The following MLANA variants were observed in gnomAD, a reference collection of about 807,000 sequenced individuals.
The protein encoded by MLANA is melan-A.
MLANA carries 21 observed loss-of-function variants against 15.7 expected under a neutral mutation model. The ratio of observed to expected loss-of-function variants is 1.33; its 90% CI spans 0.95 to 1.92. The LOEUF (loss-of-function observed/expected upper bound fraction) is 1.92, where lower values mean the gene tolerates loss of function less well. MLANA is among the 40% of genes most tolerant of loss of function. The probability of loss-of-function intolerance (pLI) is 0.00; values close to 1 mark genes in which losing one functional copy is unlikely to be tolerated. For synonymous variants in MLANA, 56 were observed against 51.5 expected, an observed-to-expected ratio of 1.09 and a Z score of -0.37; for missense variants, 164 against 143.8, an observed-to-expected ratio of 1.14 and a Z score of -0.72.
Position 5,897,538 on chromosome 9 carries a change from T to A in MLANA, c.78-19T>A. 6.2e-7 allele frequency: 1 copy of A among 1,606,034 alleles called. No homozygotes were observed. Among genetic ancestry groups the A allele is most frequent in the Non-Finnish European group, 8.5e-7 (1 of 1,172,612 alleles). On this transcript the variant is annotated intron_variant, in intron 2 of 4. Transcript: ENST00000381477. ...CAATGTTTCAATGACAAAGTGGATTTGTCTATCTCTTGGGCCAGGGCCGCT... is the reference window on the plus strand; with the variant it reads ...CAATGTTTCAATGACAAAGTGGATTAGTCTATCTCTTGGGCCAGGGCCGCT...
At chr9:5,899,715 C>T (rs1233525177) in intron 3 of MLANA, among the ~76,000 whole-genome samples, 1 of 152,192 alleles carries the variant, frequency 6.6e-6, no homozygotes, top group Non-Finnish European at 1.5e-5. Context: ...TGGCTATTTA[C>T]TTTTTGCCTC....
intron 4 of MLANA, among the ~76,000 whole-genome samples, chr9:5,907,878 G>A (rs1018849509): frequency 1.3e-5 from 2 of 152,276 alleles, no homozygotes; most frequent in Admixed American, 6.5e-5. Context: ...ACTTGAACCC[G>A]GGAGGTGGAG....
At chr9:5,906,816 CCTTCT>C in intron 3 of MLANA, 64 bp from the exon 4 acceptor site, 1 of 1,040,242 alleles carries the variant, frequency 9.6e-7, no homozygotes, top group Non-Finnish European at 1.4e-6. Context: ...ACTTTGGCTT[CCTTCT>C]CTTTTCTTTA....
chr9:5,902,158 A>C (rs974536744), intron 3 of MLANA, among the ~76,000 whole-genome samples: 3 of 152,172 alleles, frequency 2.0e-5, no homozygotes. Context: ...TGTTTTGGAA[A>C]GTTATTATTG....
At chr9:5,899,624 G>A (rs565618056) in intron 3 of MLANA, among the ~76,000 whole-genome samples, 1 of 152,290 alleles carries the variant, frequency 6.6e-6, no homozygotes, top group South Asian at 2.1e-4. Flanking sequence ...GTCCACAACA[G>A]GTTAGTAGGG....
At position 5,897,605 on chromosome 9, in the gene MLANA, C is replaced by T. The variant is rs1200798890; in HGVS notation, c.126C>T (p.Leu42=). ...ILTVILGVLL[L]IGCWYCRRRN... ...CAGTGATCCTGGGAGTCTTACTGCT[C>T]ATCGGCTGTTGGTATTGTAGAAGAC... Residue 42 remains leucine, a synonymous_variant, in exon 3 of 5, where the codon CTC becomes CTT. Transcript: ENST00000381477. 4 of 1,614,156 alleles carry T rather than the reference C, an allele frequency of 2.5e-6. No homozygotes were observed. Among genetic ancestry groups the T allele is most frequent in the Admixed American group, 3.3e-5 (2 of 60,030 alleles).
intron 3 of MLANA, among the ~76,000 whole-genome samples, chr9:5,902,668 CTT>C (rs199637584): frequency 5.7e-5 from 8 of 141,012 alleles, no homozygotes; most frequent in East Asian, 2.1e-4. Flanking sequence ...GATTAATTTT[CTT>C]TTTTTTTTTT....
At chr9:5,902,659 A>T (rs941996616) in intron 3 of MLANA, among the ~76,000 whole-genome samples, 2 of 149,828 alleles carry the variant, frequency 1.3e-5, no homozygotes, top group Non-Finnish European at 3.0e-5. Context: ...TCCAGGTCTG[A>T]TTAATTTTCT....
At position 5,894,626 on chromosome 9, in the gene MLANA, T is replaced by C. The variant is rs1305486508; in HGVS notation, c.77+2075T>C. ...GCCAGTGCTCTGCTGGGGAGGGGCA[T>C]AATGAAGCTGGCTCTGACAATGCCG... On this transcript the variant is annotated intron_variant, in intron 2 of 4. Coordinates refer to ENST00000381477, the MANE Select transcript of MLANA (RefSeq NM_005511.2). This position sits in a 1 kb window ranked among gnomAD's most constrained non-coding sequence, Gnocchi z 4.0. 6.6e-6 allele frequency among the ~76,000 whole-genome samples: 1 copy of C among 152,152 alleles called. No homozygotes were observed. Among genetic ancestry groups the C allele is most frequent in the Non-Finnish European group, 1.5e-5 (1 of 68,032 alleles).
In MLANA at chr9:5,894,462, C is replaced by G. The variant is rs369631024; in HGVS notation, c.77+1911C>G. 3.9e-5 allele frequency among the ~76,000 whole-genome samples: 6 copies of G among 152,266 alleles called. No individual in the cohort carries two copies. The East Asian group carries it at 1.2e-3, about 29-fold the overall frequency. Reference sequence around the variant, plus strand: ...GTAACAAACGGAAGGGTGAGGCCATCAGGACCTAGAGTTGGGAGGAGGGAC... The same window carrying G: ...GTAACAAACGGAAGGGTGAGGCCATGAGGACCTAGAGTTGGGAGGAGGGAC... On this transcript the variant is annotated intron_variant, in intron 2 of 4. Transcript: ENST00000381477. The surrounding 1 kb of genome is among the most constrained non-coding windows in gnomAD (Gnocchi z 4.0).
intron 3 of MLANA, 92 bp from the exon 4 acceptor site, chr9:5,906,793 A>G (rs1832844158): frequency 1.3e-6 from 1 of 748,748 alleles, no homozygotes; most frequent in Admixed American, 2.9e-5. Context: ...CTAGATTAAA[A>G]CTCATTCTTA....
At chr9:5,896,537 C>G (rs1832034117) in intron 2 of MLANA, among the ~76,000 whole-genome samples, 1 of 152,148 alleles carries the variant, frequency 6.6e-6, no homozygotes, top group Non-Finnish European at 1.5e-5. Flanking sequence ...CCAGCAGAAG[C>G]CTTAGTTAAA....
Position 5,909,510 on chromosome 9 carries a change from A to G in MLANA, c.*802A>G. 1 of 152,410 alleles carries G rather than the reference A, an allele frequency of 6.6e-6. No homozygotes were observed. Among genetic ancestry groups the G allele is most frequent in the Non-Finnish European group, 1.5e-5 (1 of 68,108 alleles). The allele number at this position is 152,410 out of a possible 1,614,324, so 9.4% of individuals were successfully genotyped here. A position where few individuals can be genotyped will look rare whatever the true frequency, so the allele number is the denominator to read the frequency against. Reference sequence around the variant, plus strand: ...TGACCTCAGGTGATCTGCCCGCCTCAGCCTCCCAAAGTGCTGGAATTACAG... The same window carrying G: ...TGACCTCAGGTGATCTGCCCGCCTCGGCCTCCCAAAGTGCTGGAATTACAG... On this transcript the variant is annotated 3_prime_UTR_variant, in exon 5 of 5. Transcript: ENST00000381477.
Position 5,892,519 on chromosome 9 carries a change from G to C in MLANA, c.45G>C (p.Lys15Asn). The change falls in exon 2 of 5, where the codon AAG (lysine) becomes AAC (asparagine). Residue 15 changes from lysine to asparagine, a missense_variant. Transcript: ENST00000381477. ...DAHFIYGYPK[K>N]GHGHSYTTAE... ...ACTTCATCTATGGTTACCCCAAGAA[G>C]GGGCACGGCCACTCTTACACCACGG... The C allele has an allele frequency of 6.2e-7, 1 of 1,613,784 alleles. No individual in the cohort carries two copies. Among genetic ancestry groups the C allele is most frequent in the Middle Eastern group, 1.7e-4 (1 of 6,040 alleles).
intron 4 of MLANA, among the ~76,000 whole-genome samples, chr9:5,907,625 G>A (rs1356715485): frequency 1.3e-5 from 2 of 152,126 alleles, no homozygotes; most frequent in South Asian, 2.1e-4. Flanking sequence ...AATTTTACAT[G>A]TTTCTTCTTT....
intron 3 of MLANA, chr9:5,899,208 A>T (rs1320617559): frequency 3.9e-5 from 6 of 152,220 alleles, no homozygotes; most frequent in Non-Finnish European, 7.3e-5. Flanking sequence ...AAGATGTTGG[A>T]AAGTCCCATT....
In MLANA at chr9:5,892,542, C is replaced by G. The variant is rs760218624; in HGVS notation, c.68C>G (p.Thr23Arg). 1.9e-6 allele frequency: 3 copies of G among 1,612,764 alleles called. No individual in the cohort carries two copies. Among genetic ancestry groups the G allele is most frequent in the Non-Finnish European group, 2.5e-6 (3 of 1,179,664 alleles). The change falls in exon 2 of 5, where the codon ACG becomes AGG. Residue 23 changes from threonine (T) to arginine (R), a missense_variant. Coordinates refer to ENST00000381477, the MANE Select transcript of MLANA (RefSeq NM_005511.2). ...AAGGGGCACGGCCACTCTTACACCA[C>G]GGCTGAAGAGTAAGTTCAAAACCAG... ...PKKGHGHSYT[T>R]AEEAAGIGIL...
intron 1 of MLANA, among the ~76,000 whole-genome samples, chr9:5,891,771 A>C (rs1831670675): frequency 6.6e-6 from 1 of 152,226 alleles, no homozygotes; most frequent in African/African-American, 2.4e-5. Flanking sequence ...AAATTGACTT[A>C]AGTAGGAAGG....
At chr9:5,904,833 G>GT (rs1015761718) in intron 3 of MLANA, among the ~76,000 whole-genome samples, 1 of 151,512 alleles carries the variant, frequency 6.6e-6, no homozygotes. Flanking sequence ...GAGTGCAGTG[G>GT]TATGATCTGG....
Sources: allele counts gnomAD v4.1 joint callset (sites outside exome capture counted in the v4.1 genomes callset), GRCh38; gene constraint gnomAD v4.1.1; non-coding constraint Gnocchi (gnomAD v3.1); transcripts MANE v1.5; gene names NCBI Gene and HGNC (gene_info 2026-07-23, HGNC 2026-07-21).